The following SVIL variants were observed in gnomAD, a reference collection of about 807,000 sequenced individuals.
The protein encoded by SVIL is supervillin, also known as archvillin.
In SVIL, 101 loss-of-function variants were observed where a neutral mutation model predicts 240.4. The observed-to-expected ratio is 0.42, with a 90% confidence interval of 0.36 to 0.50. SVIL has a LOEUF of 0.50. Ranked by LOEUF, SVIL falls within the 20% of genes least tolerant of loss-of-function variation. The pLI is 0.01. For synonymous variants in SVIL, 999 were observed against 1,100.0 expected (o/e 0.91, Z 1.82); for missense variants, 2,512 against 2,818.7 (o/e 0.89, Z 2.46).
At chr10:29,691,271 G>C (rs1000934221) in intron 1 of SVIL, among the ~76,000 whole-genome samples, 3 of 151,448 alleles carry the variant, frequency 2.0e-5, no homozygotes, top group Admixed American at 2.0e-4. Context: ...GAGTGCAGTG[G>C]TGCGATCTCG....
chr10:29,687,706 G>T (rs1961188898), intron 1 of SVIL, among the ~76,000 whole-genome samples: 1 of 152,102 alleles, frequency 6.6e-6, no homozygotes, highest in Admixed American at 6.6e-5. Context: ...CCGTAAATTT[G>T]CTTTACCACC....
At chr10:29,468,607 A>G (rs1201680741) in intron 32 of SVIL, among the ~76,000 whole-genome samples, 2 of 151,326 alleles carry the variant, frequency 1.3e-5, no homozygotes, top group Non-Finnish European at 2.9e-5. Flanking sequence ...ATTTGTGGGT[A>G]TATACTAATA....
At chr10:29,488,147 T>A (rs1947600176) in intron 23 of SVIL, among the ~76,000 whole-genome samples, 1 of 152,132 alleles carries the variant, frequency 6.6e-6, no homozygotes, top group South Asian at 2.1e-4. Context: ...GAACTTCCCT[T>A]GATTCCTTCT....
intron 30 of SVIL, among the ~76,000 whole-genome samples, chr10:29,472,687 A>T (rs565023186): frequency 6.6e-6 from 1 of 152,170 alleles, no homozygotes. Context: ...CCCTGGGGTT[A>T]TAAGGCCATG....
intron 1 of SVIL, among the ~76,000 whole-genome samples, chr10:29,623,981 G>A (rs1264714062): frequency 6.6e-6 from 1 of 152,154 alleles, no homozygotes; most frequent in Non-Finnish European, 1.5e-5. Flanking sequence ...CTCCATGATG[G>A]TTGCAGAATG....
At chr10:29,490,234 GTTAA>G (rs1320708086) in intron 22 of SVIL, among the ~76,000 whole-genome samples, 9 of 152,052 alleles carry the variant, frequency 5.9e-5, no homozygotes, top group African/African-American at 2.2e-4. Flanking sequence ...TGGCGTTTGT[GTTAA>G]TTAATAATAT....
chr10:29,653,579 TTTTTA>T (rs1430199570), intron 3 of SVIL, among the ~76,000 whole-genome samples: 5 of 152,200 alleles, frequency 3.3e-5, no homozygotes, highest in Admixed American at 3.3e-4. Context: ...CATTTATCTA[TTTTTA>T]TTTTGTCACT....
intron 1 of SVIL, among the ~76,000 whole-genome samples, chr10:29,612,060 G>A (rs1023819512): frequency 6.8e-4 from 103 of 152,178 alleles, no homozygotes; most frequent in African/African-American, 2.2e-3. Context: ...TAGCTCAGAT[G>A]TTGGCAGGAC....
chr10:29,660,801 C>T (rs1205638031), intron 2 of SVIL, among the ~76,000 whole-genome samples: 2 of 152,204 alleles, frequency 1.3e-5, no homozygotes, highest in Non-Finnish European at 2.9e-5. Context: ...CCTTGGGGCT[C>T]TACAACTGTG....
At chr10:29,721,237 A>AAAACAAAC (rs770518822) in intron 1 of SVIL, among the ~76,000 whole-genome samples, 1 of 149,620 alleles carries the variant, frequency 6.7e-6, no homozygotes, top group South Asian at 2.1e-4. Flanking sequence ...AATCATTACA[A>AAAACAAAC]AAACAAACAA....
intron 6 of SVIL, among the ~76,000 whole-genome samples, chr10:29,548,551 C>G (rs1297309759): frequency 6.6e-6 from 1 of 152,212 alleles, no homozygotes; most frequent in East Asian, 1.9e-4. Context: ...CAAATGGCAG[C>G]TGCTCTTATC....
chr10:29,465,154 T>G (rs973023793), intron 34 of SVIL, among the ~76,000 whole-genome samples: 3 of 152,166 alleles, frequency 2.0e-5, no homozygotes, highest in African/African-American at 7.2e-5. Flanking sequence ...ACGTGCTTTA[T>G]CTGATTAAAG....
At chr10:29,658,332 C>T (rs1340597265) in intron 2 of SVIL, among the ~76,000 whole-genome samples, 3 of 152,220 alleles carry the variant, frequency 2.0e-5, no homozygotes, top group South Asian at 2.1e-4. Flanking sequence ...TGAATAAAGT[C>T]ATTTCTATGC....
intron 1 of SVIL, among the ~76,000 whole-genome samples, chr10:29,725,302 C>G (rs1264307488): frequency 6.6e-6 from 1 of 152,030 alleles, no homozygotes; most frequent in Non-Finnish European, 1.5e-5. Context: ...TCTCGTGTCC[C>G]CTTTGAGCCT....
At chr10:29,524,320 A>T (rs1433088536) in intron 14 of SVIL, 152 bp downstream of exon 14, 1 of 1,291,012 alleles carries the variant, frequency 7.7e-7, no homozygotes, top group East Asian at 2.3e-5. Flanking sequence ...TAGAATTCTC[A>T]TTTTTAGGAA....
At chr10:29,589,916 C>A (rs1254418290) in intron 1 of SVIL, among the ~76,000 whole-genome samples, 1 of 152,094 alleles carries the variant, frequency 6.6e-6, no homozygotes, top group African/African-American at 2.4e-5. Context: ...CGCCTGTAAT[C>A]CCAGCACTTT....
intron 1 of SVIL, among the ~76,000 whole-genome samples, chr10:29,696,831 C>T (rs1318698722): frequency 6.7e-6 from 1 of 149,766 alleles, no homozygotes; most frequent in Non-Finnish European, 1.5e-5. Context: ...GGGGCTCAGC[C>T]CCCCGCCCGG....
chr10:29,701,810 G>C (rs1277090692), intron 1 of SVIL, among the ~76,000 whole-genome samples: 3 of 152,102 alleles, frequency 2.0e-5, no homozygotes, highest in African/African-American at 7.2e-5. Context: ...TAATGTATTT[G>C]GAAGACCAAA....
At chr10:29,519,547 T>C (rs1950432958) in intron 16 of SVIL, among the ~76,000 whole-genome samples, 1 of 152,228 alleles carries the variant, frequency 6.6e-6, no homozygotes, top group Non-Finnish European at 1.5e-5. Flanking sequence ...AGGGAGGGAT[T>C]AAAGTCTCAT....
Sources: gnomAD v4.1 joint callset for allele counts (sites outside exome capture counted in the v4.1 genomes callset) on GRCh38, gnomAD v4.1.1 for gene constraint, MANE v1.5 for transcripts, NCBI Gene and HGNC (gene_info 2026-07-23, HGNC 2026-07-21) for gene names.